Variants in HDAC2 observed in about 807,000 individuals in gnomAD.
HDAC2 encodes the protein YY1-associated factor 1.
A neutral mutation model predicts 68.5 loss-of-function variants in HDAC2; 5 were observed. The observed-to-expected ratio is 0.07, with a 90% CI of 0.04 to 0.15. HDAC2 has a LOEUF of 0.15. HDAC2 is among the 10% of genes least tolerant of loss of function. The probability of loss-of-function intolerance (pLI) is 1.00; values close to 1 mark genes in which losing one functional copy is unlikely to be tolerated. For missense variants in HDAC2, 291 were observed against 600.8 expected (o/e 0.48, Z 5.39); for synonymous variants, 182 against 191.3 (o/e 0.95, Z 0.40).
chr6:113,943,441 C>G lies in HDAC2; in HGVS notation c.1288G>C (p.Gly430Arg). 6.2e-7 allele frequency: 1 copy of G among 1,610,464 alleles called. No individual in the cohort carries two copies. The highest frequency in any genetic ancestry group is 8.5e-7 in the Non-Finnish European group (1 of 1,179,076). ...TGATCAGCCACATTTCTTCGACCTC[C>G]TTCTCCTTCATCCTCAGAATCTGAG... ...EFSDSEDEGE[G>R]GRRNVADHKK... is the part of the protein sequence containing the mutation. Residue 430 changes from glycine to arginine, a missense_variant, in exon 12 of 14, where the codon GGA becomes CGA. By Grantham distance (125) the Gly-to-Arg change is moderately radical (BLOSUM62 -2). Around this residue, in one of 2 missense-constraint regions of HDAC2, gnomAD observed 137 missense variants for 128.7 expected, o/e 1.06. Transcript: ENST00000519065.
intron 1 of HDAC2, among the ~76,000 whole-genome samples, chr6:113,964,279 A>G (rs1428018638): frequency 6.6e-6 from 1 of 152,084 alleles, no homozygotes; most frequent in East Asian, 1.9e-4. Flanking sequence ...AAACAAGAGA[A>G]AAGAAAAAAG....
chr6:113,948,709 A>G (rs79879541), intron 8 of HDAC2: 360 of 358,444 alleles, frequency 1.0e-3, no homozygotes, highest in African/African-American at 4.7e-3. Flanking sequence ...TTTTATTTAC[A>G]CTGAGTCAAC....
intron 10 of HDAC2, 126 bp downstream of exon 10, chr6:113,945,236 C>CAA (rs1405271383): frequency 4.7e-6 from 2 of 425,558 alleles, no homozygotes; most frequent in East Asian, 7.6e-5. Flanking sequence ...CTTAATGTTT[C>CAA]AAATCCTTTA....
Position 113,970,418 on chromosome 6 carries a change from G to T in HDAC2, c.52+439C>A, listed in dbSNP as rs1322453. ...TTTGTGTAGAGTCAAGGCCGGGATA[G>T]AAATTTTGCCTCGCGGGGGACGGGT... On this transcript the variant is annotated intron_variant, in intron 1 of 13. Coordinates refer to ENST00000519065, the MANE Select transcript of HDAC2 (RefSeq NM_001527.4). The T allele has an allele frequency of 1.6e-4, 159 of 1,009,822 alleles. No individual in the cohort carries two copies. The Middle Eastern group carries it at 2.0e-3, about 12-fold the overall frequency. The allele number at this position is 1,009,822 out of a possible 1,614,324, so 62.6% of individuals were successfully genotyped here.
At chr6:113,964,096 C>T (rs1015347592) in intron 1 of HDAC2, among the ~76,000 whole-genome samples, 13 of 152,018 alleles carry the variant, frequency 8.6e-5, no homozygotes, top group African/African-American at 3.1e-4. Flanking sequence ...TCACGGTATT[C>T]ACAGAGGAAT....
intron 1 of HDAC2, among the ~76,000 whole-genome samples, chr6:113,963,439 T>A (rs1210322479): frequency 6.6e-6 from 1 of 152,174 alleles, no homozygotes; most frequent in East Asian, 1.9e-4. Flanking sequence ...ACAATTTTTA[T>A]TCATCATTTA....
intron 1 of HDAC2, 93 bp from the exon 2 acceptor site, chr6:113,960,111 A>G: frequency 1.4e-6 from 1 of 709,968 alleles, no homozygotes; most frequent in South Asian, 1.6e-5. Flanking sequence ...GAAGGCATTT[A>G]CTACTTAACA....
In HDAC2 at chr6:113,938,197, A is replaced by T. The variant is rs554387149; in HGVS notation, c.*2861T>A. ...TAGGTTTAAAAAACTAAGTTAAAAAATAAGTCTCTCTATAGCTTTTTATTT... is the reference window on the plus strand; with the variant it reads ...TAGGTTTAAAAAACTAAGTTAAAAATTAAGTCTCTCTATAGCTTTTTATTT... On this transcript the variant is annotated 3_prime_UTR_variant, in exon 14 of 14. Transcript: ENST00000519065. 5 of 152,354 alleles carry T rather than the reference A, an allele frequency of 3.3e-5. No individual in the cohort carries two copies. The highest frequency in any genetic ancestry group is 1.2e-4 in the African/African-American group (5 of 41,598). The allele number at this position is 152,354 out of a possible 1,614,324, so 9.4% of individuals were successfully genotyped here.
Position 113,959,912 on chromosome 6 carries a change from T to G in HDAC2, c.159A>C (p.Glu53Asp). The change falls in exon 2 of 14, where the codon GAA (glutamate) becomes GAC (aspartate). Residue 53 changes from glutamate (E) to aspartate (D), a missense_variant. Coordinates refer to ENST00000519065, the MANE Select transcript of HDAC2 (RefSeq NM_001527.4). Reference protein sequence around the residue: ...LLNYGLYRKMEIYRPHKATAE... With the variant: ...LLNYGLYRKMDIYRPHKATAE... ...TATTAAAAGGAATACTCACATATATTTCCATTTTTCTGTATAAGCCATAAT... is the reference window on the plus strand; with the variant it reads ...TATTAAAAGGAATACTCACATATATGTCCATTTTTCTGTATAAGCCATAAT... The G allele has an allele frequency of 7.3e-7, 1 of 1,364,308 alleles. No individual in the cohort carries two copies. The highest frequency in any genetic ancestry group is 1.2e-5 in the South Asian group (1 of 84,860). The allele number at this position is 1,364,308 out of a possible 1,614,324, so 84.5% of individuals were successfully genotyped here.
chr6:113,957,440 A>AT (rs1776581525), intron 3 of HDAC2, among the ~76,000 whole-genome samples: 1 of 152,082 alleles, frequency 6.6e-6, no homozygotes, highest in Admixed American at 6.5e-5. Flanking sequence ...CACAAGCACT[A>AT]TAAGAAATGA....
intron 1 of HDAC2, among the ~76,000 whole-genome samples, chr6:113,962,086 G>GAA (rs773112164): frequency 7.5e-6 from 1 of 133,334 alleles, no homozygotes; most frequent in Admixed American, 7.5e-5. Flanking sequence ...AAGTGTGTTT[G>GAA]AAAAAAAAAA....
In HDAC2 at chr6:113,945,448, A is replaced by G; in HGVS notation, c.1005T>C (p.Phe335=). 6.5e-7 allele frequency: 1 copy of G among 1,531,346 alleles called. No homozygotes were observed. Among genetic ancestry groups the G allele is most frequent in the Non-Finnish European group, 9.0e-7 (1 of 1,105,220 alleles). 94.9% of individuals were successfully genotyped at this position (1,531,346 alleles called of 1,614,324 possible). The change falls in exon 10 of 14, where the codon TTT becomes TTC. Residue 335 remains phenylalanine (F), a synonymous_variant. Transcript: ENST00000519065. ...GTTTGAAGTCTGGTCCAAAATACTC[A>G]AAGTAATCATTATATGGCAACTCTA... ...IPNELPYNDY[F]EYFGPDFKLH...
intron 3 of HDAC2, 92 bp downstream of exon 3, chr6:113,958,557 A>G: frequency 1.5e-6 from 1 of 679,004 alleles, no homozygotes. Flanking sequence ...TTAGACCAAC[A>G]GGAAAAATAT....
At chr6:113,968,372 A>T (rs1328753632) in intron 1 of HDAC2, 1 of 152,198 alleles carries the variant, frequency 6.6e-6, no homozygotes, top group African/African-American at 2.4e-5. Context: ...CTTTCCTTGC[A>T]TTCTCTTCTC....
intron 8 of HDAC2, chr6:113,948,598 G>T (rs1013992673): frequency 6.0e-6 from 1 of 166,358 alleles, no homozygotes; most frequent in Non-Finnish European, 1.3e-5. Flanking sequence ...AGAGGTATGG[G>T]AAGGGTACAA....
rs1776002025 is a variant in HDAC2 at position 113,936,541 on chromosome 6, T to C, written c.*4517A>G. On this transcript the variant is annotated 3_prime_UTR_variant, in exon 14 of 14. Coordinates refer to ENST00000519065, the MANE Select transcript of HDAC2 (RefSeq NM_001527.4). ...TTGCTAAAATCAGGTCTCCAAAAGA[T>C]TGCTTCTCTATCCACTATGACCTAG... 6.6e-6 allele frequency: 1 copy of C among 152,148 alleles called. No individual in the cohort carries two copies. Among genetic ancestry groups the C allele is most frequent in the African/African-American group, 2.4e-5 (1 of 41,424 alleles). 9.4% of individuals were successfully genotyped at this position (152,148 alleles called of 1,614,324 possible). A position where few individuals can be genotyped will look rare whatever the true frequency, so the allele number is the denominator to read the frequency against.
intron 8 of HDAC2, 45 bp downstream of exon 8, chr6:113,948,934 G>GA (rs1256348635): frequency 6.3e-7 from 1 of 1,599,118 alleles, no homozygotes; most frequent in South Asian, 1.1e-5. Flanking sequence ...TTGGGTGGAA[G>GA]AAAAACCATT....
chr6:113,946,857 C>T (rs1776275330), intron 8 of HDAC2: 1 of 152,046 alleles, frequency 6.6e-6, no homozygotes, highest in Middle Eastern at 3.4e-3. Context: ...CCTTCAATTA[C>T]AAAAGACATT....
intron 1 of HDAC2, among the ~76,000 whole-genome samples, chr6:113,964,345 T>G (rs1285670981): frequency 1.3e-5 from 2 of 152,170 alleles, no homozygotes; most frequent in African/African-American, 4.8e-5. Flanking sequence ...TTATACATAT[T>G]AACACATCTT....
Sources: allele counts gnomAD v4.1 joint callset (sites outside exome capture counted in the v4.1 genomes callset), GRCh38; gene constraint gnomAD v4.1.1; regional missense constraint gnomAD v4.1.1; transcripts MANE v1.5; gene names NCBI Gene and HGNC (gene_info 2026-07-23, HGNC 2026-07-21).